OPCML: variants seen among roughly 807,000 people sequenced by gnomAD.
OPCML encodes the protein opioid binding protein/cell adhesion molecule like.
In OPCML, 13 loss-of-function variants were observed where a neutral mutation model predicts 37.8. That is an observed-to-expected ratio of 0.34 (90% confidence interval 0.22 to 0.55). OPCML has a LOEUF of 0.55. OPCML is among the 20% of genes least tolerant of loss of function. OPCML has a pLI of 0.91. For missense variants in OPCML, 341 were observed against 435.6 expected (o/e 0.78, Z 1.93); for synonymous variants, 176 against 168.8 (o/e 1.04, Z -0.33).
chr11:133,486,491 A>G (rs752777482), intron 1 of OPCML, among the ~76,000 whole-genome samples: 3 of 151,902 alleles, frequency 2.0e-5, no homozygotes, highest in Non-Finnish European at 4.4e-5. Flanking sequence ...GAATTACACT[A>G]TCAGGTTTTT....
chr11:132,604,177 G>A (rs753700952), intron 3 of OPCML, among the ~76,000 whole-genome samples: 3 of 152,054 alleles, frequency 2.0e-5, no homozygotes, highest in South Asian at 2.1e-4. Flanking sequence ...GGCTCCATGC[G>A]TCTGTCCTCA....
At chr11:132,705,465 T>G (rs1467070852) in intron 2 of OPCML, among the ~76,000 whole-genome samples, 1 of 151,932 alleles carries the variant, frequency 6.6e-6, no homozygotes, top group Non-Finnish European at 1.5e-5. Flanking sequence ...TGGTGTCATG[T>G]GCCTGTAGTC....
intron 7 of OPCML, among the ~76,000 whole-genome samples, chr11:132,434,461 C>G (rs1018464766): frequency 1.3e-5 from 2 of 152,108 alleles, no homozygotes; most frequent in African/African-American, 4.8e-5. Flanking sequence ...GTGCCTGTTT[C>G]TCTTTGCTGA....
intron 1 of OPCML, among the ~76,000 whole-genome samples, chr11:133,434,420 A>G (rs1471279774): frequency 1.3e-5 from 2 of 151,078 alleles, no homozygotes; most frequent in African/African-American, 4.9e-5. Flanking sequence ...CATATTGAAT[A>G]TATATCAGAC....
chr11:133,522,235 T>C (rs903206768), intron 1 of OPCML, among the ~76,000 whole-genome samples: 2 of 152,198 alleles, frequency 1.3e-5, no homozygotes, highest in Non-Finnish European at 2.9e-5. Flanking sequence ...CTTGGCTTAG[T>C]GCAGAGCCAA....
intron 4 of OPCML, among the ~76,000 whole-genome samples, chr11:132,442,963 T>A (rs916582358): frequency 6.6e-6 from 1 of 152,300 alleles, no homozygotes; most frequent in South Asian, 2.1e-4. Context: ...ATTCACAGTA[T>A]GCAAAAACAA....
At chr11:133,047,359 T>A (rs11223338) in intron 1 of OPCML, among the ~76,000 whole-genome samples, 1 of 152,158 alleles carries the variant, frequency 6.6e-6, no homozygotes, top group African/African-American at 2.4e-5. Flanking sequence ...TCTCAGCTGG[T>A]GTAGCCGCGA....
chr11:132,417,340 G>A lies in OPCML; in HGVS notation c.*2853C>T, dbSNP rs375528161. ...GCAGAAATATGTCTGTTGTGAAGAA[G>A]TCATTTTCACTCCCAGTGAGTACCC... On this transcript the variant is annotated 3_prime_UTR_variant, in exon 8 of 8. Coordinates refer to ENST00000524381, the MANE Select transcript of OPCML (RefSeq NM_001012393.5). The A allele has an allele frequency of 2.0e-4, 31 of 152,360 alleles. No individual in the cohort carries two copies. The East Asian group carries it at 3.1e-3, about 15-fold the overall frequency. 9.4% of individuals were successfully genotyped at this position (152,360 alleles called of 1,614,324 possible).
intron 3 of OPCML, among the ~76,000 whole-genome samples, chr11:132,541,471 C>T (rs1183331651): frequency 6.6e-6 from 1 of 151,394 alleles, no homozygotes; most frequent in African/African-American, 2.4e-5. Context: ...CAGTGTCTGG[C>T]ACATAGTAAA....
chr11:132,983,518 C>G (rs1378525243), intron 1 of OPCML, among the ~76,000 whole-genome samples: 2 of 152,204 alleles, frequency 1.3e-5, no homozygotes, highest in African/African-American at 4.8e-5. Flanking sequence ...GTTGTTCTCG[C>G]TGCTCATGCT....
rs78104701 is a variant in OPCML at position 133,228,060 on chromosome 11, G to T, written c.62-285050C>A. Among the ~76,000 whole-genome samples the T allele has an allele frequency of 5.7e-3, 870 of 152,262 alleles. 7 individuals carry two copies. Among genetic ancestry groups the T allele is most frequent in the East Asian group, 0.028 (145 of 5,172 alleles). ...CTTAGGTGAGGTTTTCATCTTTATT[G>T]GGAGACCTTTGTCCTTGGGATGGGA... On this transcript the variant is annotated intron_variant, in intron 1 of 7. Transcript: ENST00000524381.
intron 1 of OPCML, among the ~76,000 whole-genome samples, chr11:133,385,180 G>A (rs28649760): frequency 0.13 from 20,347 of 152,148 alleles, 1,456 homozygotes; most frequent in Non-Finnish European, 0.14. Flanking sequence ...TGGAGGGGCC[G>A]TGTGCTGAGG....
At position 133,413,332 on chromosome 11, in the gene OPCML, G is replaced by A. The variant is rs1365769830; in HGVS notation, c.61+118932C>T. ...ATCACACTCTGGGGCCTGTTGTGGG[G>A]TAGGGGGGAGGGGGAGGGATAGCAT... is the stretch of plus-strand genomic sequence containing the variant. On this transcript the variant is annotated intron_variant, in intron 1 of 7. Transcript: ENST00000524381. 3.4e-5 allele frequency among the ~76,000 whole-genome samples: 5 copies of A among 148,246 alleles called. No homozygotes were observed. The East Asian group carries it at 9.9e-4, about 29-fold the overall frequency.
intron 2 of OPCML, among the ~76,000 whole-genome samples, chr11:132,762,066 C>T (rs1007914223): frequency 1.9e-4 from 29 of 152,196 alleles, no homozygotes; most frequent in African/African-American, 6.8e-4. Context: ...CAGTCAGGCC[C>T]CTCTTCTGCA....
intron 1 of OPCML, among the ~76,000 whole-genome samples, chr11:133,002,846 C>T (rs1036083853): frequency 6.6e-6 from 1 of 152,030 alleles, no homozygotes; most frequent in African/African-American, 2.4e-5. Flanking sequence ...CCTATAAGAC[C>T]TTTTACTCAA....
chr11:133,036,507 T>G (rs927625256), intron 1 of OPCML, among the ~76,000 whole-genome samples: 11 of 152,340 alleles, frequency 7.2e-5, no homozygotes, highest in Middle Eastern at 3.4e-3. Flanking sequence ...CATCAAACAC[T>G]GCAATAGGTC....
At chr11:132,747,365 G>T (rs1328351787) in intron 2 of OPCML, among the ~76,000 whole-genome samples, 1 of 152,188 alleles carries the variant, frequency 6.6e-6, no homozygotes, top group Non-Finnish European at 1.5e-5. Context: ...ACAAAGAAGA[G>T]TGGCAGATTC....
chr11:132,504,474 G>T (rs938026986), intron 4 of OPCML, among the ~76,000 whole-genome samples: 1 of 151,146 alleles, frequency 6.6e-6, no homozygotes, highest in Non-Finnish European at 1.5e-5. Context: ...TGTCTCTTTT[G>T]GTCCAGGCTT....
At chr11:132,501,983 G>A (rs1163999254) in intron 4 of OPCML, among the ~76,000 whole-genome samples, 1 of 152,126 alleles carries the variant, frequency 6.6e-6, no homozygotes, top group African/African-American at 2.4e-5. Context: ...AGAGGATATG[G>A]GGCACACCTG....
Sources: allele counts gnomAD v4.1 joint callset (sites outside exome capture counted in the v4.1 genomes callset), GRCh38; gene constraint gnomAD v4.1.1; transcripts MANE v1.5; gene names NCBI Gene and HGNC (gene_info 2026-07-23, HGNC 2026-07-21).